Variants in TMEM132D observed in about 807,000 individuals in gnomAD.
TMEM132D encodes transmembrane protein 132D.
In TMEM132D, 21 loss-of-function variants were observed where a neutral mutation model predicts 62.3. That is an observed-to-expected ratio of 0.34 (90% CI 0.24 to 0.49). The LOEUF (loss-of-function observed/expected upper bound fraction) is 0.49, where lower values mean the gene tolerates loss of function less well. Among genes scored for constraint, TMEM132D ranks in the 20% least tolerant of loss-of-function variants. The pLI is 0.99. For missense variants in TMEM132D, 1,346 were observed against 1,402.8 expected, an observed-to-expected ratio of 0.96 and a Z score of 0.65; for synonymous variants, 621 against 575.6, an observed-to-expected ratio of 1.08 and a Z score of -1.13.
intron 3 of TMEM132D, among the ~76,000 whole-genome samples, chr12:129,429,902 G>C (rs1357146553): frequency 2.0e-5 from 3 of 151,890 alleles, no homozygotes; most frequent in Admixed American, 2.0e-4. Flanking sequence ...TCCCTACAAA[G>C]GACATGAACT....
At chr12:129,437,742 T>TC (rs1385824857) in intron 3 of TMEM132D, among the ~76,000 whole-genome samples, 2 of 149,054 alleles carry the variant, frequency 1.3e-5, no homozygotes, top group African/African-American at 5.0e-5. Flanking sequence ...TTTTTTTTTT[T>TC]CTTTTTTTAA....
In TMEM132D at chr12:129,413,882, A is replaced by G. The variant is rs913073852; in HGVS notation, c.1116-76065T>C. Among the ~76,000 whole-genome samples, 3 of 152,220 alleles carry G rather than the reference A, an allele frequency of 2.0e-5. No homozygotes were observed. The East Asian group carries it at 5.8e-4, about 29-fold the overall frequency. On this transcript the variant is annotated intron_variant, in intron 3 of 8. Transcript: ENST00000422113. ...AAAAGTCATACAAAATATTAGAAAC[A>G]TCTTAGCTGGGCATGAACGAACAAT...
intron 1 of TMEM132D, among the ~76,000 whole-genome samples, chr12:129,787,991 C>T (rs1408318238): frequency 6.6e-6 from 1 of 152,230 alleles, no homozygotes; most frequent in Non-Finnish European, 1.5e-5. Context: ...AACCTCCACA[C>T]TCAACCAACC....
intron 5 of TMEM132D, among the ~76,000 whole-genome samples, chr12:129,153,181 G>T (rs1027645859): frequency 1.3e-5 from 2 of 152,112 alleles, no homozygotes; most frequent in African/African-American, 2.4e-5. Flanking sequence ...GTCCTGACTG[G>T]ACTTTGCTCC....
At chr12:129,568,012 C>T (rs986912264) in intron 2 of TMEM132D, among the ~76,000 whole-genome samples, 1 of 152,148 alleles carries the variant, frequency 6.6e-6, no homozygotes, top group Non-Finnish European at 1.5e-5. Context: ...GGGTTCTGGG[C>T]ATTTTAAAAA....
At chr12:129,790,124 A>G (rs936565821) in intron 1 of TMEM132D, among the ~76,000 whole-genome samples, 2 of 152,156 alleles carry the variant, frequency 1.3e-5, no homozygotes, top group Non-Finnish European at 2.9e-5. Context: ...AGGTGAGCAG[A>G]TGCAGGAGCT....
intron 2 of TMEM132D, among the ~76,000 whole-genome samples, chr12:129,570,532 G>C (rs1877483613): frequency 1.3e-5 from 2 of 152,294 alleles, no homozygotes; most frequent in African/African-American, 4.8e-5. Flanking sequence ...TAATCCCACT[G>C]GGACCTCTGG....
intron 3 of TMEM132D, among the ~76,000 whole-genome samples, chr12:129,358,125 C>A (rs1429814469): frequency 6.6e-6 from 1 of 152,098 alleles, no homozygotes; most frequent in Non-Finnish European, 1.5e-5. Context: ...CTATTTCTAT[C>A]TTATAATACC....
At chr12:129,210,848 T>G (rs1359094790) in intron 4 of TMEM132D, 1 of 152,224 alleles carries the variant, frequency 6.6e-6, no homozygotes, top group Non-Finnish European at 1.5e-5. Context: ...TCTCCTTTTT[T>G]CAGGCACACC....
rs746232750 is a variant in TMEM132D at position 129,074,830 on chromosome 12, C to T, written c.2345G>A (p.Arg782Gln). The change falls in exon 9 of 9, where the codon CGG becomes CAG. Residue 782 changes from arginine (R) to glutamine (Q), a missense_variant. Physicochemically the swap from Arg to Gln is conservative, Grantham distance 43 (BLOSUM62 1). Coordinates refer to ENST00000422113, the MANE Select transcript of TMEM132D (RefSeq NM_133448.3). ...CGTTCCAACAGCTAACACACTCTTC[C>T]GCTTGGATTTCTGGCAGGATTCACT... ...VISESCQKSK[R>Q]KSVLAVGTAN... The T allele has an allele frequency of 5.6e-6, 9 of 1,613,896 alleles. No homozygotes were observed. The highest frequency in any genetic ancestry group is 3.3e-5 in the Admixed American group (2 of 59,976).
chr12:129,808,376 C>T (rs1311019346), intron 1 of TMEM132D, among the ~76,000 whole-genome samples: 2 of 152,124 alleles, frequency 1.3e-5, no homozygotes, highest in African/African-American at 4.8e-5. Context: ...AGAAAACAAA[C>T]TCTTTGTGAA....
chr12:129,864,730 C>T (rs1874005198), intron 1 of TMEM132D, among the ~76,000 whole-genome samples: 1 of 152,166 alleles, frequency 6.6e-6, no homozygotes, highest in South Asian at 2.1e-4. Context: ...CAATAAATCC[C>T]CTTGCCACCT....
At chr12:129,285,171 G>A (rs1056809402) in intron 4 of TMEM132D, among the ~76,000 whole-genome samples, 1 of 152,122 alleles carries the variant, frequency 6.6e-6, no homozygotes, top group Non-Finnish European at 1.5e-5. Context: ...GACAGGTAGT[G>A]CTGCAATCCA....
chr12:129,156,084 C>T (rs1054415814), intron 5 of TMEM132D, among the ~76,000 whole-genome samples: 3 of 150,854 alleles, frequency 2.0e-5, no homozygotes, highest in Non-Finnish European at 3.0e-5. Context: ...TTCCATGATA[C>T]CCAACCCACT....
chr12:129,568,553 C>T lies in TMEM132D; in HGVS notation c.969-37348G>A, dbSNP rs530402670. Among the ~76,000 whole-genome samples the T allele has an allele frequency of 2.0e-5, 3 of 152,312 alleles. No homozygotes were observed. In the South Asian group the frequency reaches 6.2e-4, roughly 32 times the overall value. ...TGCTTTCAAAAAATCTCAAATCGAACTATTCTCTTCTGTAAGCAGTCCCAC... is the reference window on the plus strand; with the variant it reads ...TGCTTTCAAAAAATCTCAAATCGAATTATTCTCTTCTGTAAGCAGTCCCAC... On this transcript the variant is annotated intron_variant, in intron 2 of 8. Coordinates refer to ENST00000422113, the MANE Select transcript of TMEM132D (RefSeq NM_133448.3).
intron 2 of TMEM132D, among the ~76,000 whole-genome samples, chr12:129,691,861 G>C (rs1230007134): frequency 6.6e-6 from 1 of 152,006 alleles, no homozygotes; most frequent in African/African-American, 2.4e-5. Context: ...TAGGATTTAA[G>C]ATAGATGGAT....
At chr12:129,326,219 G>A (rs1406751640) in intron 4 of TMEM132D, among the ~76,000 whole-genome samples, 2 of 152,176 alleles carry the variant, frequency 1.3e-5, no homozygotes, top group Non-Finnish European at 2.9e-5. Flanking sequence ...CTTTTCTCAC[G>A]ATAACACTAC....
chr12:129,699,981 C>A lies in TMEM132D; in HGVS notation c.797G>T (p.Arg266Met), dbSNP rs2137225660. The A allele has an allele frequency of 1.9e-6, 3 of 1,614,118 alleles. No homozygotes were observed. The highest frequency in any genetic ancestry group is 2.5e-6 in the Non-Finnish European group (3 of 1,180,044). The change falls in exon 2 of 9, where the codon AGG becomes ATG. Residue 266 changes from arginine (R) to methionine (M), a missense_variant. Transcript: ENST00000422113. ...DIDESGPPLQ[R>M]IGSIFLYQTH... ...CTGATAAAGGAAGATGCTCCCGATC[C>A]TCTGCAAGGGGGGCCCGGACTCATC...
chr12:129,786,237 C>T (rs1288963808), intron 1 of TMEM132D, among the ~76,000 whole-genome samples: 2 of 152,152 alleles, frequency 1.3e-5, no homozygotes, highest in African/African-American at 4.8e-5. Flanking sequence ...TGCAGCGCCC[C>T]TGGGGCCCAC....
Sources: gnomAD v4.1 joint callset for allele counts (sites outside exome capture counted in the v4.1 genomes callset) on GRCh38, gnomAD v4.1.1 for gene constraint, MANE v1.5 for transcripts, NCBI Gene and HGNC (gene_info 2026-07-23, HGNC 2026-07-21) for gene names.